MYO3B: variants seen among roughly 807,000 people sequenced by gnomAD.
MYO3B encodes myosin-IIIb.
A neutral mutation model predicts 174.6 loss-of-function variants in MYO3B; 156 were observed. The observed-to-expected ratio is 0.89, with a 90% CI of 0.78 to 1.02. MYO3B has a LOEUF of 1.02. Among genes scored for constraint, MYO3B ranks in the 50% least tolerant of loss-of-function variants. MYO3B has a pLI of 0.00. For missense variants in MYO3B, 1,632 were observed against 1,639.4 expected, an observed-to-expected ratio of 1.00 and a Z score of 0.08; for synonymous variants, 563 against 569.1, an observed-to-expected ratio of 0.99 and a Z score of 0.15.
chr2:170,458,669 G>A (rs1457393886), intron 23 of MYO3B, among the ~76,000 whole-genome samples: 1 of 152,186 alleles, frequency 6.6e-6, no homozygotes, highest in Non-Finnish European at 1.5e-5. Context: ...CAGCCCTTTT[G>A]GTTTGGAGTT....
intron 7 of MYO3B, among the ~76,000 whole-genome samples, chr2:170,274,183 T>TGA (rs2093446287): frequency 6.7e-6 from 1 of 150,156 alleles, no homozygotes. Flanking sequence ...AGAGAGACAC[T>TGA]GAGAGAGAGA....
At chr2:170,524,569 C>A (rs575350945) in intron 30 of MYO3B, 2 of 425,900 alleles carry the variant, frequency 4.7e-6, no homozygotes, top group Middle Eastern at 7.5e-4. Flanking sequence ...CTGCAACCTC[C>A]GCCCTCTGGG....
chr2:170,251,542 T>C lies in MYO3B; in HGVS notation c.749+15406T>C, dbSNP rs559403547. ...GTCATCAGGGTGGACCCTAATTCAATATGACTGGTGTCTTTATGGAAAGGA... is the reference window on the plus strand; with the variant it reads ...GTCATCAGGGTGGACCCTAATTCAACATGACTGGTGTCTTTATGGAAAGGA... On this transcript the variant is annotated intron_variant, in intron 7 of 34. Coordinates refer to ENST00000408978, the MANE Select transcript of MYO3B (RefSeq NM_138995.5). Among the ~76,000 whole-genome samples the C allele has an allele frequency of 6.6e-5, 10 of 152,294 alleles. 1 individual carries two copies. In the South Asian group the frequency reaches 2.1e-3, roughly 32 times the overall value.
At chr2:170,500,722 A>G (rs887303562) in intron 27 of MYO3B, among the ~76,000 whole-genome samples, 2 of 152,214 alleles carry the variant, frequency 1.3e-5, no homozygotes, top group African/African-American at 4.8e-5. Context: ...CGCATCTCCC[A>G]GAATGACTGA....
At chr2:170,293,347 T>G (rs2093608333) in intron 7 of MYO3B, among the ~76,000 whole-genome samples, 1 of 152,186 alleles carries the variant, frequency 6.6e-6, no homozygotes, top group Non-Finnish European at 1.5e-5. Context: ...ATAAGTGATA[T>G]TTTTGCTTGT....
intron 28 of MYO3B, among the ~76,000 whole-genome samples, chr2:170,509,019 GGA>G (rs1687796975): frequency 7.3e-6 from 1 of 137,482 alleles, no homozygotes; most frequent in Non-Finnish European, 1.5e-5. Flanking sequence ...TCACTGGGGG[GGA>G]AAAAAGTCTG....
intron 9 of MYO3B, among the ~76,000 whole-genome samples, chr2:170,376,054 T>G (rs954360175): frequency 2.0e-5 from 3 of 152,206 alleles, no homozygotes; most frequent in Non-Finnish European, 4.4e-5. Context: ...AATGATAAGA[T>G]GCTGATTTAT....
intron 7 of MYO3B, among the ~76,000 whole-genome samples, chr2:170,326,216 A>T (rs781259605): frequency 6.6e-6 from 1 of 152,018 alleles, no homozygotes; most frequent in Non-Finnish European, 1.5e-5. Flanking sequence ...GATCACCTTC[A>T]AAGAGCACAC....
intron 32 of MYO3B, among the ~76,000 whole-genome samples, chr2:170,603,635 G>A (rs1428479092): frequency 1.3e-5 from 2 of 152,186 alleles, no homozygotes; most frequent in African/African-American, 2.4e-5. Flanking sequence ...TAGGATGACA[G>A]TTGTCTACTT....
At chr2:170,290,916 A>G (rs956726761) in intron 7 of MYO3B, among the ~76,000 whole-genome samples, 1 of 152,000 alleles carries the variant, frequency 6.6e-6, no homozygotes, top group East Asian at 1.9e-4. Context: ...TACTTTAAAG[A>G]GAAGAAAAGT....
At chr2:170,354,276 TTTG>T (rs2094102361) in intron 8 of MYO3B, among the ~76,000 whole-genome samples, 1 of 152,220 alleles carries the variant, frequency 6.6e-6, no homozygotes, top group Admixed American at 6.5e-5. Context: ...GTTCCTTTTT[TTTG>T]TTCTGTTTTG....
intron 7 of MYO3B, among the ~76,000 whole-genome samples, chr2:170,243,275 G>T (rs2093155557): frequency 6.6e-6 from 1 of 152,230 alleles, no homozygotes; most frequent in Non-Finnish European, 1.5e-5. Flanking sequence ...TGAGAATGTG[G>T]CTGTGTTGGT....
chr2:170,291,779 C>T (rs976131121), intron 7 of MYO3B, among the ~76,000 whole-genome samples: 3 of 151,564 alleles, frequency 2.0e-5, no homozygotes, highest in South Asian at 2.1e-4. Flanking sequence ...GTATGGTTTC[C>T]GTTGAAAAGC....
At chr2:170,498,281 GT>G (rs759979141) in intron 25 of MYO3B, among the ~76,000 whole-genome samples, 2 of 152,180 alleles carry the variant, frequency 1.3e-5, no homozygotes, top group East Asian at 1.9e-4. Flanking sequence ...CACTAGGAGA[GT>G]TGTCTAAATT....
chr2:170,518,247 T>A (rs529369499), intron 29 of MYO3B, among the ~76,000 whole-genome samples: 1 of 152,310 alleles, frequency 6.6e-6, no homozygotes, highest in Admixed American at 6.5e-5. Flanking sequence ...TTATTTATTT[T>A]TCTACACTCC....
At chr2:170,452,371 AG>A (rs551930777) in intron 23 of MYO3B, among the ~76,000 whole-genome samples, 117 of 152,244 alleles carry the variant, frequency 7.7e-4, no homozygotes, top group African/African-American at 2.7e-3. Context: ...TGAAATTCTT[AG>A]GTTCTCTCAT....
intron 8 of MYO3B, chr2:170,351,261 T>C (rs2094065965): frequency 6.6e-6 from 1 of 152,118 alleles, no homozygotes; most frequent in Admixed American, 6.5e-5. Flanking sequence ...AGACTCCTAC[T>C]TGAAGCCAGT....
intron 7 of MYO3B, among the ~76,000 whole-genome samples, chr2:170,268,865 G>A (rs1165322732): frequency 6.6e-6 from 1 of 152,082 alleles, no homozygotes; most frequent in Non-Finnish European, 1.5e-5. Context: ...TTCCACAGAA[G>A]AAAAATACAA....
At position 170,601,385 on chromosome 2, in the gene MYO3B, C is replaced by T. The variant is rs116028899; in HGVS notation, c.3734-50243C>T. On this transcript the variant is annotated intron_variant, in intron 32 of 34. Coordinates refer to ENST00000408978, the MANE Select transcript of MYO3B (RefSeq NM_138995.5). The stretch of plus-strand genomic sequence containing the variant: ...AATTTCCATGCCAGTTTATAACCCC[C>T]ATACTGTACCAGGCAAGGTTAGTGG... Among the ~76,000 whole-genome samples, 625 of 152,294 alleles carry T rather than the reference C, an allele frequency of 4.1e-3. 4 individuals are homozygous for T. Among genetic ancestry groups the T allele is most frequent in the African/African-American group, 0.015 (604 of 41,556 alleles).
Sources: gnomAD v4.1 joint callset for allele counts (sites outside exome capture counted in the v4.1 genomes callset) on GRCh38, gnomAD v4.1.1 for gene constraint, MANE v1.5 for transcripts, NCBI Gene and HGNC (gene_info 2026-07-23, HGNC 2026-07-21) for gene names.